The following CAV3 variants were observed in gnomAD, a reference collection of about 807,000 sequenced individuals.
The protein encoded by CAV3 is caveolin-3.
A neutral mutation model predicts 13.4 loss-of-function variants in CAV3; 10 were observed. The observed-to-expected ratio is 0.75, with a 90% CI of 0.46 to 1.27. The LOEUF (loss-of-function observed/expected upper bound fraction) is 1.27. Ranked by LOEUF, CAV3 falls within the 50% of genes most tolerant of loss-of-function variation. CAV3 has a pLI of 0.00. For synonymous variants in CAV3, 90 were observed against 79.0 expected, an observed-to-expected ratio of 1.14 and a Z score of -0.74; for missense variants, 162 against 194.0, an observed-to-expected ratio of 0.83 and a Z score of 0.98.
chr3:8,737,058 A>T (rs1172359433), intron 1 of CAV3, among the ~76,000 whole-genome samples: 1 of 152,176 alleles, frequency 6.6e-6, no homozygotes, highest in Non-Finnish European at 1.5e-5. Flanking sequence ...CAGCCTCTCA[A>T]CTGCCCGGGT....
At chr3:8,739,126 CTG>C (rs1707857778) in intron 1 of CAV3, among the ~76,000 whole-genome samples, 1 of 152,192 alleles carries the variant, frequency 6.6e-6, no homozygotes, top group Admixed American at 6.5e-5. Flanking sequence ...CTAATTCACA[CTG>C]AGGTATTACA....
intron 1 of CAV3, among the ~76,000 whole-genome samples, chr3:8,734,459 A>C (rs916308366): frequency 5.3e-5 from 8 of 152,172 alleles, no homozygotes; most frequent in Non-Finnish European, 8.8e-5. Context: ...TCACTCCCCC[A>C]GAGCACTGCC....
In CAV3 at chr3:8,745,609, T is replaced by C; in HGVS notation, c.198T>C (p.Thr66=). Residue 66 remains threonine, a synonymous_variant, in exon 2 of 2, where the codon ACT becomes ACC. Transcript: ENST00000343849. This position sits in a 1 kb window ranked among gnomAD's most constrained non-coding sequence, Gnocchi z 4.8. ...GVWKVSYTTF[T]VSKYWCYRLL... The stretch of plus-strand genomic sequence containing the variant: ...GGAAGGTGAGCTACACCACCTTCAC[T>C]GTCTCCAAGTACTGGTGCTACCGTC... The C allele has an allele frequency of 6.2e-7, 1 of 1,614,136 alleles. No homozygotes were observed.
intron 1 of CAV3, among the ~76,000 whole-genome samples, chr3:8,737,331 C>CT (rs1356530159): frequency 6.6e-6 from 1 of 152,180 alleles, no homozygotes; most frequent in Non-Finnish European, 1.5e-5. Context: ...CTGTGTGACT[C>CT]TGAGGAAATC....
In CAV3 at chr3:8,745,844, G is replaced by A. The variant is rs142475018; in HGVS notation, c.433G>A (p.Val145Met). ...ALGQVCSSIK[V>M]VLRKEV ...GGGCCAGGTCTGCAGCAGCATCAAG[G>A]TGGTGCTGCGGAAGGAGGTCTAAAG... The change falls in exon 2 of 2, where the codon GTG becomes ATG. Residue 145 changes from valine to methionine, a missense_variant. By Grantham distance (21) the Val-to-Met change is conservative. Transcript: ENST00000343849. The surrounding 1 kb of genome is among the most constrained non-coding windows in gnomAD (Gnocchi z 4.8). 2.9e-5 allele frequency: 47 copies of A among 1,612,816 alleles called. No individual in the cohort carries two copies. The highest frequency in any genetic ancestry group is 3.6e-5 in the Non-Finnish European group (43 of 1,179,756).
At chr3:8,735,906 C>T (rs1000741887) in intron 1 of CAV3, among the ~76,000 whole-genome samples, 2 of 152,210 alleles carry the variant, frequency 1.3e-5, no homozygotes, top group Non-Finnish European at 1.5e-5. Context: ...CCACTTCTGT[C>T]CCCCTGCTTC....
At position 8,746,061 on chromosome 3, in the gene CAV3, C is replaced by A; in HGVS notation, c.*194C>A. On this transcript the variant is annotated 3_prime_UTR_variant, in exon 2 of 2. Transcript: ENST00000343849. ...CACAGAAGCACAATGGCCCTTCGCT[C>A]TCCCCCAGCCCCACCATGATGCCCC... is the stretch of plus-strand genomic sequence containing the variant. 1.7e-6 allele frequency: 1 copy of A among 574,660 alleles called. No individual in the cohort carries two copies. The highest frequency in any genetic ancestry group is 3.1e-6 in the Non-Finnish European group (1 of 322,152). The allele number at this position is 574,660 out of a possible 1,614,324, so 35.6% of individuals were successfully genotyped here.
rs1306474521 is a variant in CAV3, at chr3:8,746,113, T to G, written c.*246T>G. ...ATGCCTGGGCGTGGGGGAAGATCAT[T>G]TGCCAAGAGGCAGCTACTGCAAGTC... On this transcript the variant is annotated 3_prime_UTR_variant, in exon 2 of 2. Coordinates refer to ENST00000343849, the MANE Select transcript of CAV3 (RefSeq NM_033337.3). 17 of 490,982 alleles carry G rather than the reference T, an allele frequency of 3.5e-5. No homozygotes were observed. In the Admixed American group the frequency reaches 5.8e-4, roughly 17 times the overall value. 30.4% of individuals were successfully genotyped at this position (490,982 alleles called of 1,614,324 possible).
rs192134961 is a variant in CAV3 at position 8,741,810 on chromosome 3, T to C, written c.115-3716T>C. The stretch of plus-strand genomic sequence containing the variant: ...CGCATCCTCAAGCAATCCCCCGCCC[T>C]GCTATCCTACACCTTCCCCGCCCTC... On this transcript the variant is annotated intron_variant, in intron 1 of 1. Transcript: ENST00000343849. Among the ~76,000 whole-genome samples, 408 of 152,224 alleles carry C rather than the reference T, an allele frequency of 2.7e-3. 2 individuals carry two copies. Among genetic ancestry groups the C allele is most frequent in the South Asian group, 2.5e-3 (12 of 4,810 alleles).
intron 1 of CAV3, among the ~76,000 whole-genome samples, chr3:8,739,528 G>A (rs1707879697): frequency 6.6e-6 from 1 of 151,516 alleles, no homozygotes; most frequent in Non-Finnish European, 1.5e-5. Context: ...GCTGAGGCAG[G>A]AGAATTGCTT....
At chr3:8,743,957 A>G (rs1708059731) in intron 1 of CAV3, among the ~76,000 whole-genome samples, 1 of 152,192 alleles carries the variant, frequency 6.6e-6, no homozygotes, top group African/African-American at 2.4e-5. Context: ...TTGGTGATGC[A>G]ATAGAGGAGA....
chr3:8,739,583 G>C (rs1379755815), intron 1 of CAV3, among the ~76,000 whole-genome samples: 1 of 149,732 alleles, frequency 6.7e-6, no homozygotes, highest in Non-Finnish European at 1.5e-5. Context: ...TCGCACCACT[G>C]TATTCCAGCC....
intron 1 of CAV3, chr3:8,742,360 CAAAAA>C: frequency 4.1e-6 from 1 of 241,024 alleles, no homozygotes; most frequent in South Asian, 3.7e-5. Flanking sequence ...CTGCAAACAC[CAAAAA>C]AAAAAAAAAG....
intron 1 of CAV3, among the ~76,000 whole-genome samples, chr3:8,735,583 G>A (rs952316010): frequency 2.6e-5 from 4 of 152,110 alleles, no homozygotes; most frequent in African/African-American, 7.2e-5. Flanking sequence ...CATTTCAAGC[G>A]CTCAAAGCTC....
chr3:8,744,445 A>ATTT (rs141816229), intron 1 of CAV3, among the ~76,000 whole-genome samples: 31 of 111,376 alleles, frequency 2.8e-4, no homozygotes, highest in African/African-American at 1.1e-3. Context: ...TACCCGGCTA[A>ATTT]TTTTTTTTTT....
intron 1 of CAV3, 70 bp downstream of exon 1, chr3:8,734,060 G>A (rs1707659922): frequency 6.0e-6 from 5 of 828,880 alleles, no homozygotes; most frequent in Admixed American, 3.7e-5. Flanking sequence ...CTTGGCAGGG[G>A]AGGGTATCTG....
intron 1 of CAV3, among the ~76,000 whole-genome samples, chr3:8,742,810 G>C (rs1034507796): frequency 6.6e-6 from 1 of 152,206 alleles, no homozygotes; most frequent in Admixed American, 6.5e-5. Context: ...TGGATAGATG[G>C]ATAGATGAAT....
At chr3:8,734,125 C>T (rs1012406267) in intron 1 of CAV3, 135 bp downstream of exon 1, 45 of 636,428 alleles carry the variant, frequency 7.1e-5, no homozygotes, top group African/African-American at 5.6e-4. Flanking sequence ...CTCTGTATCA[C>T]CCCCCCAACC....
rs374409322 is a variant in CAV3 at position 8,733,867 on chromosome 3, C to A, written c.-10C>A. 5 of 1,563,538 alleles carry A rather than the reference C, an allele frequency of 3.2e-6. No individual in the cohort carries two copies. The highest frequency in any genetic ancestry group is 1.4e-5 in the African/African-American group (1 of 74,038). On this transcript the variant is annotated 5_prime_UTR_variant, in exon 1 of 2. Transcript: ENST00000343849. The stretch of plus-strand genomic sequence containing the variant: ...TCGGATCTCCTCCTGTGGATCCCCC[C>A]AGCTCTGCGATGATGGCAGAAGAGC...
Sources: gnomAD v4.1 joint callset for allele counts (sites outside exome capture counted in the v4.1 genomes callset) on GRCh38, gnomAD v4.1.1 for gene constraint, Gnocchi (gnomAD v3.1) non-coding constraint, MANE v1.5 for transcripts, NCBI Gene and HGNC (gene_info 2026-07-23, HGNC 2026-07-21) for gene names.